DROSHA: variants seen among roughly 807,000 people sequenced by gnomAD.
DROSHA encodes ribonuclease 3.
DROSHA carries 56 observed loss-of-function variants against 181.9 expected under a neutral mutation model. The observed-to-expected ratio is 0.31, with a 90% CI of 0.25 to 0.38. The LOEUF is 0.38. DROSHA is among the 10% of genes least tolerant of loss of function. The pLI, the probability that DROSHA is intolerant of heterozygous loss-of-function variation, is 1.00. For missense variants in DROSHA, 1,218 were observed against 1,743.5 expected, an observed-to-expected ratio of 0.70 and a Z score of 5.37; for synonymous variants, 524 against 591.2, an observed-to-expected ratio of 0.89 and a Z score of 1.65.
At chr5:31,431,457 A>G in intron 26 of DROSHA, 119 bp downstream of exon 26, 1 of 892,080 alleles carries the variant, frequency 1.1e-6, no homozygotes, top group Non-Finnish European at 1.7e-6. Context: ...TCGTCCTAGG[A>G]ACCTCATGTG....
intron 29 of DROSHA, chr5:31,421,626 T>A (rs1742668614): frequency 7.1e-6 from 3 of 420,382 alleles, no homozygotes; most frequent in Non-Finnish European, 1.3e-5. Flanking sequence ...TAAAGACTGG[T>A]AAACACTGCC....
At chr5:31,521,071 G>A in intron 6 of DROSHA, 52 bp downstream of exon 6, 1 of 1,588,114 alleles carries the variant, frequency 6.3e-7, no homozygotes, top group Admixed American at 1.7e-5. Flanking sequence ...CACAAAATCT[G>A]AATTCAAGGA....
intron 5 of DROSHA, among the ~76,000 whole-genome samples, chr5:31,522,111 C>T (rs769367150): frequency 2.0e-4 from 31 of 152,276 alleles, no homozygotes; most frequent in East Asian, 1.5e-3. Context: ...TGACAGAGAT[C>T]GGTGAGTGCT....
chr5:31,473,994 T>C (rs1213329883), intron 16 of DROSHA, among the ~76,000 whole-genome samples: 2 of 152,150 alleles, frequency 1.3e-5, no homozygotes, highest in South Asian at 2.1e-4. Flanking sequence ...CCCATGTCAG[T>C]ATCACTAGGG....
At chr5:31,493,796 C>T (rs1162042713) in intron 12 of DROSHA, among the ~76,000 whole-genome samples, 3 of 152,144 alleles carry the variant, frequency 2.0e-5, no homozygotes, top group African/African-American at 7.2e-5. Context: ...AGAAGTCAAC[C>T]AACCAAACAC....
chr5:31,455,320 G>A (rs1452123428), intron 20 of DROSHA, among the ~76,000 whole-genome samples: 3 of 152,026 alleles, frequency 2.0e-5, no homozygotes, highest in Non-Finnish European at 4.4e-5. Flanking sequence ...CTTCTTGAAT[G>A]AAGAATTCGA....
chr5:31,526,530 C>T lies in DROSHA; in HGVS notation c.403G>A (p.Ala135Thr). 1.9e-6 allele frequency: 3 copies of T among 1,565,572 alleles called. No homozygotes were observed. The highest frequency in any genetic ancestry group is 2.6e-6 in the Non-Finnish European group (3 of 1,155,502). The change falls in exon 5 of 36, where the codon GCA becomes ACA. Residue 135 changes from alanine to threonine, a missense_variant. By Grantham distance (58) the Ala-to-Thr change is moderately conservative. Coordinates refer to ENST00000344624, the MANE Select transcript of DROSHA (RefSeq NM_001382508.1). ...PCPNNPPVPGAPPGQGTFPFM... is the reference protein window; with the variant it reads ...PCPNNPPVPGTPPGQGTFPFM... ...GGGAAAGTGCCTTGTCCAGGAGGTG[C>T]CCCAGGGACTGGGGGGTTATTAGGA... is the stretch of plus-strand genomic sequence containing the variant.
At chr5:31,518,182 C>T (rs1472463655) in intron 6 of DROSHA, among the ~76,000 whole-genome samples, 2 of 152,104 alleles carry the variant, frequency 1.3e-5, no homozygotes, top group Non-Finnish European at 2.9e-5. Context: ...AACTGTAACA[C>T]AGTGGTAAAT....
At chr5:31,472,795 T>C (rs1749882363) in intron 16 of DROSHA, among the ~76,000 whole-genome samples, 1 of 152,216 alleles carries the variant, frequency 6.6e-6, no homozygotes, top group Non-Finnish European at 1.5e-5. Context: ...TCATGGAAGA[T>C]CATTATGGAG....
At chr5:31,476,909 T>C (rs1289410941) in intron 16 of DROSHA, among the ~76,000 whole-genome samples, 1 of 152,226 alleles carries the variant, frequency 6.6e-6, no homozygotes, top group African/African-American at 2.4e-5. Context: ...GTTAATGAAT[T>C]GGCTCTTTTG....
chr5:31,446,486 C>CA (rs1477432225), intron 23 of DROSHA, among the ~76,000 whole-genome samples: 1 of 130,576 alleles, frequency 7.7e-6, no homozygotes. Context: ...TATAACAGCA[C>CA]AAAAAAGAAT....
chr5:31,422,402 G>T (rs1231993223), intron 29 of DROSHA, among the ~76,000 whole-genome samples: 1 of 152,158 alleles, frequency 6.6e-6, no homozygotes, highest in African/African-American at 2.4e-5. Context: ...AGTTTTACTG[G>T]AACACAGCCA....
chr5:31,431,912 A>G (rs1440791929), intron 25 of DROSHA, among the ~76,000 whole-genome samples: 2 of 152,196 alleles, frequency 1.3e-5, no homozygotes, highest in African/African-American at 4.8e-5. Context: ...ACAAACTCCA[A>G]TAGTTCAAGT....
intron 30 of DROSHA, among the ~76,000 whole-genome samples, chr5:31,412,931 C>T (rs1419960991): frequency 6.6e-6 from 1 of 152,166 alleles, no homozygotes; most frequent in African/African-American, 2.4e-5. Flanking sequence ...ACTATGGGAA[C>T]AAGGCTATGC....
rs748009983 is a variant in DROSHA, at chr5:31,422,902, G to A, written c.3304C>T (p.Pro1102Ser). The A allele has an allele frequency of 6.2e-7, 1 of 1,611,422 alleles. No individual in the cohort carries two copies. Among genetic ancestry groups the A allele is most frequent in the East Asian group, 2.2e-5 (1 of 44,814 alleles). The change falls in exon 29 of 36, where the codon CCA (proline) becomes TCA (serine). Residue 1102 changes from proline (P) to serine (S), a missense_variant. Physicochemically the swap from Pro to Ser is moderately conservative, Grantham distance 74 (BLOSUM62 -1). Around this residue, in one of 8 missense-constraint regions of DROSHA, gnomAD observed 71 missense variants for 95.2 expected, o/e 0.75. Coordinates refer to ENST00000344624, the MANE Select transcript of DROSHA (RefSeq NM_001382508.1). ...AACTCAGTAAGTTTTTGTAGAACTG[G>A]AGAAGTTTCAATAAGTTGTCGATCA... ...NTDRQLIETS[P>S]VLQKLTEFEE... is the part of the protein sequence containing the mutation.
chr5:31,413,030 T>A (rs1741506459), intron 30 of DROSHA, among the ~76,000 whole-genome samples: 1 of 152,108 alleles, frequency 6.6e-6, no homozygotes, highest in Non-Finnish European at 1.5e-5. Flanking sequence ...ATGCCTCAGA[T>A]ACAACAAGCC....
intron 23 of DROSHA, among the ~76,000 whole-genome samples, chr5:31,439,403 G>A (rs1745281911): frequency 6.6e-6 from 1 of 152,086 alleles, no homozygotes; most frequent in South Asian, 2.1e-4. Flanking sequence ...CTATGTTCAA[G>A]TCATCCTTAT....
In DROSHA at chr5:31,409,603, G is replaced by A. The variant is rs1195227538; in HGVS notation, c.3668-271C>T. ...TAGCTTAAAAGGTACACAGAATGCC[G>A]CTGTATATCAGGGAAAAAATGCTGA... On this transcript the variant is annotated intron_variant, in intron 31 of 35. Transcript: ENST00000344624. This position sits in a 1 kb window ranked among gnomAD's most constrained non-coding sequence, Gnocchi z 4.0. 2.6e-5 allele frequency: 10 copies of A among 377,840 alleles called. No homozygotes were observed. Among genetic ancestry groups the A allele is most frequent in the Non-Finnish European group, 4.4e-5 (9 of 204,968 alleles). The allele number at this position is 377,840 out of a possible 1,614,324, so 23.4% of individuals were successfully genotyped here. A position where few individuals can be genotyped will look rare whatever the true frequency, so the allele number is the denominator to read the frequency against.
chr5:31,469,026 C>T (rs1749433845), intron 17 of DROSHA, among the ~76,000 whole-genome samples: 1 of 152,156 alleles, frequency 6.6e-6, no homozygotes, highest in Non-Finnish European at 1.5e-5. Flanking sequence ...AACTGTGATA[C>T]CAGCCAGCCA....
Sources: allele counts gnomAD v4.1 joint callset (sites outside exome capture counted in the v4.1 genomes callset), GRCh38; gene constraint gnomAD v4.1.1; regional missense constraint gnomAD v4.1.1; non-coding constraint Gnocchi (gnomAD v3.1); transcripts MANE v1.5; gene names NCBI Gene and HGNC (gene_info 2026-07-23, HGNC 2026-07-21).